Variants in GREB1L observed in about 807,000 individuals in gnomAD.
GREB1L encodes the protein GREB1-like protein.
GREB1L carries 17 observed loss-of-function variants against 200.8 expected under a neutral mutation model. That is an observed-to-expected ratio of 0.08 (90% CI 0.06 to 0.13). GREB1L has a LOEUF of 0.13. Among genes scored for constraint, GREB1L ranks in the 10% least tolerant of loss-of-function variants. The pLI is 1.00. For synonymous variants in GREB1L, 789 were observed against 893.0 expected, an observed-to-expected ratio of 0.88 and a Z score of 2.08; for missense variants, 1,657 against 2,367.7, an observed-to-expected ratio of 0.70 and a Z score of 6.23.
chr18:21,381,623 T>G (rs1017646391), intron 2 of GREB1L, among the ~76,000 whole-genome samples: 1 of 152,152 alleles, frequency 6.6e-6, no homozygotes, highest in African/African-American at 2.4e-5. Context: ...TTCAACCTGT[T>G]GCAATATCAC....
At chr18:21,440,205 TC>T in intron 8 of GREB1L, 63 bp from the exon 9 acceptor site, 2 of 1,511,660 alleles carry the variant, frequency 1.3e-6, no homozygotes, top group Non-Finnish European at 1.8e-6. Context: ...TGGCGTTCTT[TC>T]CTTTCTTCCA....
chr18:21,428,196 CAAAAAAAAAAAA>C (rs60750456), intron 7 of GREB1L, among the ~76,000 whole-genome samples: 14 of 48,170 alleles, frequency 2.9e-4, no homozygotes, highest in South Asian at 1.1e-3. Flanking sequence ...GACTCCGTCT[CAAAAAAAAAAAA>C]AAAAAAAAAA....
intron 7 of GREB1L, among the ~76,000 whole-genome samples, chr18:21,408,283 G>A (rs957129837): frequency 3.3e-5 from 5 of 151,964 alleles, no homozygotes; most frequent in Non-Finnish European, 5.9e-5. Context: ...GAAATGAAAA[G>A]GCAAACAACA....
intron 19 of GREB1L, among the ~76,000 whole-genome samples, chr18:21,492,061 T>C (rs544985811): frequency 5.3e-4 from 80 of 152,086 alleles, no homozygotes; most frequent in South Asian, 2.7e-3. Flanking sequence ...ATGAAGAATT[T>C]GGAGGCTGGG....
chr18:21,429,638 C>T (rs1449929472), intron 7 of GREB1L, among the ~76,000 whole-genome samples: 1 of 152,104 alleles, frequency 6.6e-6, no homozygotes, highest in African/African-American at 2.4e-5. Flanking sequence ...CTAAGGAAGA[C>T]TTCTGAACTA....
intron 1 of GREB1L, among the ~76,000 whole-genome samples, chr18:21,305,887 G>A (rs982850148): frequency 6.6e-6 from 1 of 151,940 alleles, no homozygotes; most frequent in Non-Finnish European, 1.5e-5. Flanking sequence ...CTTTGTCCTG[G>A]AATACTCTTT....
At chr18:21,317,652 A>G (rs1446571443) in intron 1 of GREB1L, 1 of 152,142 alleles carries the variant, frequency 6.6e-6, no homozygotes, top group Admixed American at 6.6e-5. Flanking sequence ...TAGTTTATCA[A>G]GTATCTTTTA....
intron 11 of GREB1L, among the ~76,000 whole-genome samples, chr18:21,447,625 A>G (rs991148975): frequency 7.9e-5 from 12 of 152,194 alleles, no homozygotes; most frequent in African/African-American, 2.9e-4. Flanking sequence ...CAGGTTGTTA[A>G]TGAAAGACGG....
chr18:21,293,432 A>T (rs1381374031), intron 1 of GREB1L, among the ~76,000 whole-genome samples: 11 of 152,324 alleles, frequency 7.2e-5, no homozygotes, highest in East Asian at 5.8e-4. Flanking sequence ...TACCTGATTT[A>T]AAAAAATTAT....
At position 21,471,766 on chromosome 18, in the gene GREB1L, G is replaced by A. The variant is rs142750064; in HGVS notation, c.2183-1265G>A. Among the ~76,000 whole-genome samples the A allele has an allele frequency of 1.7e-3, 265 of 152,004 alleles. 6 individuals carry two copies. In the East Asian group the frequency reaches 0.039, roughly 22 times the overall value. ...CTTCTGAGTAGCTGGGACTACAGGCGTGCGCCACCACACCCAGCTAATGTT... is the reference window on the plus strand; with the variant it reads ...CTTCTGAGTAGCTGGGACTACAGGCATGCGCCACCACACCCAGCTAATGTT... On this transcript the variant is annotated intron_variant, in intron 15 of 32. Coordinates refer to ENST00000424526, the MANE Select transcript of GREB1L (RefSeq NM_001142966.3).
At chr18:21,261,260 C>A (rs2037885803) in intron 1 of GREB1L, among the ~76,000 whole-genome samples, 1 of 151,956 alleles carries the variant, frequency 6.6e-6, no homozygotes, top group South Asian at 2.1e-4. Flanking sequence ...TAGTCTGATA[C>A]TGTAATTATA....
At chr18:21,352,340 G>GT (rs1299469026) in intron 1 of GREB1L, among the ~76,000 whole-genome samples, 2 of 151,990 alleles carry the variant, frequency 1.3e-5, no homozygotes, top group Admixed American at 1.3e-4. Flanking sequence ...AAACGTCAAT[G>GT]TTTTGCAATA....
chr18:21,506,066 G>A (rs532016941), intron 25 of GREB1L, 117 bp downstream of exon 25: 4 of 1,108,924 alleles, frequency 3.6e-6, no homozygotes, highest in Non-Finnish European at 4.9e-6. Context: ...GTAAAGGATA[G>A]TTTACTCATA....
At chr18:21,447,507 A>G (rs75103373) in intron 11 of GREB1L, among the ~76,000 whole-genome samples, 4,857 of 152,196 alleles carry the variant, frequency 0.032, 124 homozygotes, top group Non-Finnish European at 0.047. Context: ...TAGTAATTTT[A>G]TTTTCCCAGA....
At chr18:21,414,766 A>G (rs1188700999) in intron 7 of GREB1L, among the ~76,000 whole-genome samples, 1 of 152,190 alleles carries the variant, frequency 6.6e-6, no homozygotes, top group African/African-American at 2.4e-5. Flanking sequence ...CGGTTATAGA[A>G]TCAGTAGCAG....
intron 25 of GREB1L, among the ~76,000 whole-genome samples, chr18:21,506,743 T>G (rs1462705198): frequency 6.6e-6 from 1 of 152,190 alleles, no homozygotes; most frequent in Admixed American, 6.5e-5. Context: ...GCTTGGCCAG[T>G]GGAGTCAGTT....
rs531211476 is a variant in GREB1L at position 21,299,983 on chromosome 18, C to T, written c.-120+57590C>T. Among the ~76,000 whole-genome samples the T allele has an allele frequency of 4.7e-4, 72 of 151,966 alleles. 1 individual carries two copies. The highest frequency in any genetic ancestry group is 6.9e-3 in the Middle Eastern group (2 of 290). ...AACTACTTTACTGAAATTAAATCAA[C>T]GCTTTAAAAAAAAATCTAAACCTGG... On this transcript the variant is annotated intron_variant, in intron 1 of 32. Coordinates refer to ENST00000424526, the MANE Select transcript of GREB1L (RefSeq NM_001142966.3).
chr18:21,288,297 G>A (rs865992792), intron 1 of GREB1L, among the ~76,000 whole-genome samples: 1 of 152,002 alleles, frequency 6.6e-6, no homozygotes, highest in African/African-American at 2.4e-5. Flanking sequence ...CCACCTGGGG[G>A]AAATGGGTGT....
intron 1 of GREB1L, among the ~76,000 whole-genome samples, chr18:21,276,742 C>A (rs948059947): frequency 1.3e-5 from 2 of 150,986 alleles, no homozygotes; most frequent in Non-Finnish European, 2.9e-5. Context: ...CATTTCTAGT[C>A]TTTCTATTAA....
Sources: allele counts gnomAD v4.1 joint callset (sites outside exome capture counted in the v4.1 genomes callset), GRCh38; gene constraint gnomAD v4.1.1; transcripts MANE v1.5; gene names NCBI Gene and HGNC (gene_info 2026-07-23, HGNC 2026-07-21).